Variants in KCNJ6 observed in about 807,000 individuals in gnomAD.
KCNJ6 encodes G protein-activated inward rectifier potassium channel 2.
A neutral mutation model predicts 34.2 loss-of-function variants in KCNJ6; 9 were observed. The ratio of observed to expected loss-of-function variants is 0.26; its 90% CI spans 0.16 to 0.46. The LOEUF is 0.46. Among genes scored for constraint, KCNJ6 ranks in the 20% least tolerant of loss-of-function variants. The pLI is 1.00. For missense variants in KCNJ6, 236 were observed against 531.3 expected (o/e 0.44, Z 5.46); for synonymous variants, 196 against 207.1 (o/e 0.95, Z 0.46).
In KCNJ6 at chr21:37,663,782, C is replaced by T. The variant is rs1011657195; in HGVS notation, c.947-38298G>A. On this transcript the variant is annotated intron_variant, in intron 3 of 3. Coordinates refer to ENST00000609713, the MANE Select transcript of KCNJ6 (RefSeq NM_002240.5). ...ATGGACACAGTCACCATCATAATGA[C>T]AGCTCTATCAGTAATTGAAAAATTA... Among the ~76,000 whole-genome samples, 226 of 152,170 alleles carry T rather than the reference C, an allele frequency of 1.5e-3. 1 individual carries two copies. Among genetic ancestry groups the T allele is most frequent in the African/African-American group, 5.3e-3 (220 of 41,446 alleles).
chr21:37,631,609 C>T (rs191208105), intron 3 of KCNJ6, among the ~76,000 whole-genome samples: 1 of 152,276 alleles, frequency 6.6e-6, no homozygotes, highest in African/African-American at 2.4e-5. Context: ...AGGAATGAAT[C>T]GTCTGAGGAT....
Position 37,616,091 on chromosome 21 carries a change from G to C in KCNJ6, c.*9068C>G, listed in dbSNP as rs4817877. ...TCTGCAGGTGGAGCAGCCCTAGGGAGCCTCCGCCCCATGGGGCCTCTGCCA... is the reference window on the plus strand; with the variant it reads ...TCTGCAGGTGGAGCAGCCCTAGGGACCCTCCGCCCCATGGGGCCTCTGCCA... On this transcript the variant is annotated 3_prime_UTR_variant, in exon 4 of 4. Coordinates refer to ENST00000609713, the MANE Select transcript of KCNJ6 (RefSeq NM_002240.5). 0.31 allele frequency: 47,407 copies of C among 152,118 alleles called. 7,606 individuals carry two copies. The highest frequency in any genetic ancestry group is 0.35 in the South Asian group (1,677 of 4,820). 9.4% of individuals were successfully genotyped at this position (152,118 alleles called of 1,614,324 possible).
chr21:37,762,699 C>G (rs1021462080), intron 2 of KCNJ6, among the ~76,000 whole-genome samples: 2 of 152,116 alleles, frequency 1.3e-5, no homozygotes, highest in Non-Finnish European at 2.9e-5. Context: ...CTGGGCCATT[C>G]GGTGACCTGT....
chr21:37,726,033 G>A (rs2054852708), intron 2 of KCNJ6, among the ~76,000 whole-genome samples: 1 of 152,150 alleles, frequency 6.6e-6, no homozygotes, highest in African/African-American at 2.4e-5. Flanking sequence ...AGCCTCCCAA[G>A]TAGCTGGGAC....
intron 3 of KCNJ6, among the ~76,000 whole-genome samples, chr21:37,694,553 G>T (rs939623544): frequency 6.6e-6 from 1 of 152,206 alleles, no homozygotes; most frequent in Non-Finnish European, 1.5e-5. Context: ...AAAAAGTCAG[G>T]TTCTCTATTC....
chr21:37,714,740 G>A lies in KCNJ6; in HGVS notation c.417C>T (p.Phe139=). Residue 139 remains phenylalanine (F), a synonymous_variant, in exon 3 of 4, where the codon TTC becomes TTT. Transcript: ENST00000609713. The surrounding 1 kb of genome is among the most constrained non-coding windows in gnomAD (Gnocchi z 5.9). The part of the protein sequence containing the change: ...WTPCVTNLNG[F]VSAFLFSIET... ...CTATTGAGAATAAAAAAGCAGAGAC[G>A]AACCCGTTGAGGTTGGTAACACAAG... 1.9e-6 allele frequency: 3 copies of A among 1,614,064 alleles called. No homozygotes were observed. The highest frequency in any genetic ancestry group is 2.5e-6 in the Non-Finnish European group (3 of 1,180,010).
chr21:37,610,073 T>C lies in KCNJ6; in HGVS notation c.*15086A>G, dbSNP rs1469080318. On this transcript the variant is annotated 3_prime_UTR_variant, in exon 4 of 4. Coordinates refer to ENST00000609713, the MANE Select transcript of KCNJ6 (RefSeq NM_002240.5). ...TTGGAGACAAGTGTGTGGCTGGTAG[T>C]TAATTTCCCTGCTGCCAGCAAGGGA... 1.3e-5 allele frequency: 2 copies of C among 152,240 alleles called. No homozygotes were observed. The highest frequency in any genetic ancestry group is 2.9e-5 in the Non-Finnish European group (2 of 68,066). 9.4% of individuals were successfully genotyped at this position (152,240 alleles called of 1,614,324 possible).
At chr21:37,747,538 G>T (rs1411109176) in intron 2 of KCNJ6, among the ~76,000 whole-genome samples, 2 of 152,228 alleles carry the variant, frequency 1.3e-5, no homozygotes, top group East Asian at 1.9e-4. Context: ...TGGAGTTAAG[G>T]TTGCTAATCA....
chr21:37,799,185 T>A (rs2055257626), intron 2 of KCNJ6, among the ~76,000 whole-genome samples: 1 of 152,220 alleles, frequency 6.6e-6, no homozygotes, highest in Admixed American at 6.5e-5. Context: ...TGGTTTTCTG[T>A]TCCTGCATTA....
intron 1 of KCNJ6, among the ~76,000 whole-genome samples, chr21:37,866,905 G>C (rs2055625437): frequency 6.6e-6 from 1 of 152,234 alleles, no homozygotes; most frequent in Non-Finnish European, 1.5e-5. Context: ...TAGGTTTTCT[G>C]ATTCTAGCTA....
intron 1 of KCNJ6, among the ~76,000 whole-genome samples, chr21:37,888,503 A>G (rs1453103752): frequency 6.6e-6 from 1 of 152,246 alleles, no homozygotes. Context: ...TGGAAAACTT[A>G]GAGCATAAAG....
intron 1 of KCNJ6, among the ~76,000 whole-genome samples, chr21:37,910,864 T>A (rs150897882): frequency 6.6e-5 from 10 of 152,234 alleles, no homozygotes; most frequent in Non-Finnish European, 1.0e-4. Context: ...CTGCATTCCA[T>A]ATAAAATCAG....
Position 37,609,409 on chromosome 21 carries a change from T to C in KCNJ6, c.*15750A>G, listed in dbSNP as rs187481276. ...CATAGATTCAAAATTAAAGAGACTA[T>C]TGAAACCTTGGCACTGCTAGAGACT... On this transcript the variant is annotated 3_prime_UTR_variant, in exon 4 of 4. Coordinates refer to ENST00000609713, the MANE Select transcript of KCNJ6 (RefSeq NM_002240.5). 1 of 152,334 alleles carries C rather than the reference T, an allele frequency of 6.6e-6. No individual in the cohort carries two copies. Among genetic ancestry groups the C allele is most frequent in the East Asian group, 1.9e-4 (1 of 5,196 alleles). The allele number at this position is 152,334 out of a possible 1,614,324, so 9.4% of individuals were successfully genotyped here. A position where few individuals can be genotyped will look rare whatever the true frequency, so the allele number is the denominator to read the frequency against.
At chr21:37,914,012 T>C (rs969493695) in intron 1 of KCNJ6, among the ~76,000 whole-genome samples, 1 of 134,002 alleles carries the variant, frequency 7.5e-6, no homozygotes, top group Non-Finnish European at 1.6e-5. Flanking sequence ...GATCGGGGTG[T>C]GTGTGTGTGT....
In KCNJ6 at chr21:37,616,506, G is replaced by A. The variant is rs139100278; in HGVS notation, c.*8653C>T. 3.4e-3 allele frequency: 510 copies of A among 147,928 alleles called. 3 individuals carry two copies. The highest frequency in any genetic ancestry group is 0.012 in the African/African-American group (492 of 39,738). The allele number at this position is 147,928 out of a possible 1,614,324, so 9.2% of individuals were successfully genotyped here. A position where few individuals can be genotyped will look rare whatever the true frequency, so the allele number is the denominator to read the frequency against. ...CAAGACCTAACTTTATGCTGCTCTC[G>A]TCAGTTACCGGGCTGAGACCATGTA... On this transcript the variant is annotated 3_prime_UTR_variant, in exon 4 of 4. Coordinates refer to ENST00000609713, the MANE Select transcript of KCNJ6 (RefSeq NM_002240.5).
intron 1 of KCNJ6, among the ~76,000 whole-genome samples, chr21:37,880,827 C>G (rs754266692): frequency 2.6e-5 from 4 of 152,244 alleles, no homozygotes; most frequent in Non-Finnish European, 4.4e-5. Context: ...ATTGACAACT[C>G]ACGAATCTCA....
chr21:37,897,107 T>C (rs1394872351), intron 1 of KCNJ6, among the ~76,000 whole-genome samples: 1 of 152,194 alleles, frequency 6.6e-6, no homozygotes, highest in Admixed American at 6.5e-5. Flanking sequence ...TTAAACAGCA[T>C]CTCAATGCTG....
Position 37,853,846 on chromosome 21 carries a change from G to GTATATATATATATATATATATATATA in KCNJ6, c.-27-13138_-27-13137insTATATATATATATATATATATATATA, listed in dbSNP as rs144698876. Among the ~76,000 whole-genome samples the GTATATATATATATATATATATATATA allele has an allele frequency of 1.7e-3, 195 of 115,886 alleles. 2 individuals are homozygous for GTATATATATATATATATATATATATA. Among genetic ancestry groups the GTATATATATATATATATATATATATA allele is most frequent in the African/African-American group, 7.2e-3 (181 of 25,046 alleles). The allele number at this position is 115,886 out of a possible 152,430, so 76.0% of individuals were successfully genotyped here. On this transcript the variant is annotated intron_variant, in intron 1 of 3. Coordinates refer to ENST00000609713, the MANE Select transcript of KCNJ6 (RefSeq NM_002240.5). ...GTAGTTAAGAGATACATATATATAT[G>GTATATATATATATATATATATATATA]TATATATATATATATAAATTACATT...
chr21:37,642,208 T>G (rs1000712204), intron 3 of KCNJ6, among the ~76,000 whole-genome samples: 1 of 151,840 alleles, frequency 6.6e-6, no homozygotes, highest in Non-Finnish European at 1.5e-5. Context: ...AACAGAAGCC[T>G]GGGAGGGGGC....
Sources: gnomAD v4.1 joint callset for allele counts (sites outside exome capture counted in the v4.1 genomes callset) on GRCh38, gnomAD v4.1.1 for gene constraint, Gnocchi (gnomAD v3.1) non-coding constraint, MANE v1.5 for transcripts, NCBI Gene and HGNC (gene_info 2026-07-23, HGNC 2026-07-21) for gene names.